The following PSD3 variants were observed in gnomAD, a reference collection of about 807,000 sequenced individuals.
The protein encoded by PSD3 is pleckstrin and Sec7 domain containing 3, also known as PH and SEC7 domain-containing protein 3.
Under a neutral mutation model 105.5 loss-of-function variants are expected in PSD3, and 49 were observed. The observed-to-expected ratio is 0.46, with a 90% CI of 0.37 to 0.59. PSD3 has a LOEUF of 0.59. Ranked by LOEUF, PSD3 falls within the 20% of genes least tolerant of loss-of-function variation. The pLI, the probability that PSD3 is intolerant of heterozygous loss-of-function variation, is 0.00. For synonymous variants in PSD3, 557 were observed against 457.8 expected, an observed-to-expected ratio of 1.22 and a Z score of -2.77; for missense variants, 1,561 against 1,263.8, an observed-to-expected ratio of 1.24 and a Z score of -3.57.
chr8:18,965,269 C>T (rs1824166135), intron 1 of PSD3, among the ~76,000 whole-genome samples: 1 of 152,190 alleles, frequency 6.6e-6, no homozygotes, highest in African/African-American at 2.4e-5. Flanking sequence ...AACTGACTTT[C>T]ACACTCAGTT....
At chr8:19,064,928 T>G (rs1275110094) in intron 1 of PSD3, among the ~76,000 whole-genome samples, 1 of 152,168 alleles carries the variant, frequency 6.6e-6, no homozygotes, top group African/African-American at 2.4e-5. Context: ...TGGACTGAGC[T>G]CCTGCACTAG....
At chr8:18,629,559 A>T (rs1806745664) in intron 11 of PSD3, among the ~76,000 whole-genome samples, 1 of 151,992 alleles carries the variant, frequency 6.6e-6, no homozygotes, top group South Asian at 2.1e-4. Context: ...ACCTAACAAT[A>T]TACATGAATC....
chr8:18,615,297 C>A (rs955578180), intron 11 of PSD3, among the ~76,000 whole-genome samples: 1 of 152,120 alleles, frequency 6.6e-6, no homozygotes, highest in African/African-American at 2.4e-5. Flanking sequence ...CCAAAGCACT[C>A]ACCCAGTGAC....
At chr8:18,911,209 C>A (rs964128762) in intron 2 of PSD3, among the ~76,000 whole-genome samples, 2 of 152,150 alleles carry the variant, frequency 1.3e-5, no homozygotes, top group African/African-American at 4.8e-5. Flanking sequence ...CCTCAAACCA[C>A]AGGGAGACAC....
intron 9 of PSD3, among the ~76,000 whole-genome samples, chr8:18,678,516 A>G (rs1314800159): frequency 6.6e-6 from 1 of 152,244 alleles, no homozygotes; most frequent in African/African-American, 2.4e-5. Context: ...CAAATACTAC[A>G]TAAGAGTTTT....
At chr8:18,698,850 A>C (rs758361368) in intron 9 of PSD3, among the ~76,000 whole-genome samples, 2 of 152,206 alleles carry the variant, frequency 1.3e-5, no homozygotes, top group Non-Finnish European at 2.9e-5. Flanking sequence ...AGGAACAATA[A>C]TATGTGAGAT....
chr8:18,899,175 C>G (rs969439241), intron 2 of PSD3, among the ~76,000 whole-genome samples: 3 of 152,152 alleles, frequency 2.0e-5, no homozygotes, highest in African/African-American at 7.2e-5. Flanking sequence ...TTGAAGCACT[C>G]ATCTCCAGCA....
At chr8:18,673,834 A>G (rs1799923566) in intron 9 of PSD3, among the ~76,000 whole-genome samples, 1 of 152,138 alleles carries the variant, frequency 6.6e-6, no homozygotes, top group African/African-American at 2.4e-5. Context: ...TATCAGAGAG[A>G]AAGAACAGAA....
intron 1 of PSD3, among the ~76,000 whole-genome samples, chr8:19,078,944 T>C (rs564135866): frequency 5.0e-4 from 76 of 150,692 alleles, no homozygotes; most frequent in Middle Eastern, 3.4e-3. Flanking sequence ...TGGAGTTGCA[T>C]TGAGCCCCTG....
intron 3 of PSD3, among the ~76,000 whole-genome samples, chr8:18,870,781 T>TCCC: frequency 6.6e-6 from 1 of 152,084 alleles, no homozygotes; most frequent in Non-Finnish European, 1.5e-5. Flanking sequence ...AAAATCTACT[T>TCCC]CTGACCCCCT....
chr8:18,848,851 G>A (rs921628722), intron 4 of PSD3, among the ~76,000 whole-genome samples: 42 of 152,306 alleles, frequency 2.8e-4, no homozygotes, highest in Non-Finnish European at 1.5e-5. Flanking sequence ...TGTGGCAACT[G>A]CCATTCTTTG....
intron 6 of PSD3, chr8:18,802,370 A>T (rs1482459336): frequency 5.1e-6 from 2 of 391,886 alleles, no homozygotes; most frequent in African/African-American, 5.9e-5. Context: ...TGAGATGGGA[A>T]GGAAAAAAAA....
At chr8:18,801,192 A>C (rs1810648602) in intron 7 of PSD3, 78 bp downstream of exon 7, 14 of 856,124 alleles carry the variant, frequency 1.6e-5, no homozygotes. Flanking sequence ...ATAATTTCTC[A>C]CAATAAAATT....
At chr8:18,618,004 T>C (rs927292583) in intron 11 of PSD3, among the ~76,000 whole-genome samples, 2 of 152,230 alleles carry the variant, frequency 1.3e-5, no homozygotes, top group Admixed American at 6.5e-5. Flanking sequence ...TAGTATCTTT[T>C]AAGGTCCAGT....
chr8:18,574,098 T>C (rs1802329315), intron 13 of PSD3, among the ~76,000 whole-genome samples: 1 of 152,068 alleles, frequency 6.6e-6, no homozygotes, highest in Admixed American at 6.6e-5. Flanking sequence ...AAATGAATGG[T>C]AGAAATGATC....
In PSD3 at chr8:18,766,371, C is replaced by A. The variant is rs571541472; in HGVS notation, c.2083-833G>T. ...CAAAGCAACCACAGGTTTATATACA[C>A]ATACATACAATTTTACTGCACTAAA... On this transcript the variant is annotated intron_variant, in intron 8 of 15. Coordinates refer to ENST00000327040, the MANE Select transcript of PSD3 (RefSeq NM_015310.4). Among the ~76,000 whole-genome samples, 6 of 152,232 alleles carry A rather than the reference C, an allele frequency of 3.9e-5. 1 individual carries two copies. Among genetic ancestry groups the A allele is most frequent in the African/African-American group, 1.4e-4 (6 of 41,546 alleles).
chr8:18,544,751 A>G lies in PSD3; in HGVS notation c.2929-8793T>C, dbSNP rs2130012769. Reference sequence around the variant, plus strand: ...TGGGTCTGTAGAAAGTGTTCTGAGAACTTCATTTGTCTGCATTCTGTTCCC... The same window carrying G: ...TGGGTCTGTAGAAAGTGTTCTGAGAGCTTCATTTGTCTGCATTCTGTTCCC... On this transcript the variant is annotated intron_variant, in intron 15 of 15. Coordinates refer to ENST00000327040, the MANE Select transcript of PSD3 (RefSeq NM_015310.4). 1.3e-5 allele frequency among the ~76,000 whole-genome samples: 2 copies of G among 152,322 alleles called. 1 individual carries two copies. Among genetic ancestry groups the G allele is most frequent in the East Asian group, 3.9e-4 (2 of 5,172 alleles).
chr8:18,536,610 C>CAA (rs1799859548), intron 15 of PSD3, among the ~76,000 whole-genome samples: 2 of 152,182 alleles, frequency 1.3e-5, no homozygotes, highest in African/African-American at 4.8e-5. Context: ...GGCAGAATTT[C>CAA]AAGTTATTTT....
At chr8:18,746,369 T>C (rs1805022345) in intron 9 of PSD3, among the ~76,000 whole-genome samples, 1 of 152,098 alleles carries the variant, frequency 6.6e-6, no homozygotes, top group African/African-American at 2.4e-5. Context: ...TCGAAAACAT[T>C]CTTCTCCATC....
Sources: allele counts gnomAD v4.1 joint callset (sites outside exome capture counted in the v4.1 genomes callset), GRCh38; gene constraint gnomAD v4.1.1; transcripts MANE v1.5; gene names NCBI Gene and HGNC (gene_info 2026-07-23, HGNC 2026-07-21).